PCDH11X: variants seen among roughly 807,000 people sequenced by gnomAD.
The protein encoded by PCDH11X is protocadherin-11 X-linked.
A neutral mutation model predicts 53.3 loss-of-function variants in PCDH11X; 18 were observed. The observed-to-expected ratio is 0.34, with a 90% CI of 0.23 to 0.50. The LOEUF is 0.50. Among genes scored for constraint, PCDH11X ranks in the 20% least tolerant of loss-of-function variants. PCDH11X has a pLI of 0.98. For synonymous variants in PCDH11X, 279 were observed against 393.3 expected (o/e 0.71, Z 3.44); for missense variants, 570 against 1,032.4 (o/e 0.55, Z 6.14).
At chrX:92,190,325 C>A (rs754523692) in intron 6 of PCDH11X, among the ~76,000 whole-genome samples, 77 of 111,692 alleles carry the variant, frequency 6.9e-4, no homozygotes, top group African/African-American at 2.4e-3. Flanking sequence ...ATAGGGAATT[C>A]TTTCCCCATT....
chrX:92,605,368 TACTC>T (rs1191544433), intron 10 of PCDH11X, among the ~76,000 whole-genome samples: 4 of 111,443 alleles, frequency 3.6e-5, no homozygotes, highest in Non-Finnish European at 7.5e-5. Context: ...AATGGTGAAA[TACTC>T]AATGCTTTTC....
In PCDH11X at chrX:92,606,607, G is replaced by T. The variant is rs1035432722; in HGVS notation, c.3368-11657G>T. Reference sequence around the variant, plus strand: ...CACAGGAGCAAACCTTTATGACTTTGCATTAAGCAAAGTTTTCTTAGATCT... The same window carrying T: ...CACAGGAGCAAACCTTTATGACTTTTCATTAAGCAAAGTTTTCTTAGATCT... On this transcript the variant is annotated intron_variant, in intron 10 of 10. Coordinates refer to ENST00000682573, the MANE Select transcript of PCDH11X (RefSeq NM_032968.5). Among the ~76,000 whole-genome samples the T allele has an allele frequency of 4.4e-4, 48 of 109,191 alleles. 1 individual carries two copies. The highest frequency in any genetic ancestry group is 1.4e-3 in the African/African-American group (43 of 29,948). 94.8% of individuals were successfully genotyped at this position (109,191 alleles called of 115,157 possible). A position where few individuals can be genotyped will look rare whatever the true frequency, so the allele number is the denominator to read the frequency against.
intron 9 of PCDH11X, among the ~76,000 whole-genome samples, chrX:92,450,263 G>A (rs966641008): frequency 1.7e-4 from 19 of 108,662 alleles, no homozygotes; most frequent in Non-Finnish European, 2.1e-4. Context: ...TCCAGTAGAC[G>A]CTCTTTTAAC....
intron 6 of PCDH11X, among the ~76,000 whole-genome samples, chrX:91,880,343 G>A (rs1364959573): frequency 9.0e-6 from 1 of 111,022 alleles, no homozygotes; most frequent in African/African-American, 3.3e-5. Context: ...TAGTTTCAGG[G>A]AATAAAGTCT....
chrX:92,232,825 C>T (rs780173574), intron 7 of PCDH11X, among the ~76,000 whole-genome samples: 4 of 111,634 alleles, frequency 3.6e-5, no homozygotes, highest in Non-Finnish European at 7.5e-5. Context: ...ACGCCATTCT[C>T]CCGCCTCAGC....
chrX:92,479,718 G>T (rs1318093447), intron 10 of PCDH11X, among the ~76,000 whole-genome samples: 1 of 107,335 alleles, frequency 9.3e-6, no homozygotes. Flanking sequence ...CTGCTGAGAG[G>T]TCTGCTGTTT....
intron 7 of PCDH11X, among the ~76,000 whole-genome samples, chrX:92,211,724 T>A (rs1231137493): frequency 8.9e-6 from 1 of 111,967 alleles, no homozygotes; most frequent in Non-Finnish European, 1.9e-5. Context: ...AATAAAATTA[T>A]CTCTTACATA....
intron 9 of PCDH11X, among the ~76,000 whole-genome samples, chrX:92,436,345 G>GA (rs1316240396): frequency 7.2e-5 from 8 of 110,899 alleles, no homozygotes; most frequent in Non-Finnish European, 1.5e-4. Flanking sequence ...TGAGGTTATG[G>GA]AAAAAAAGGG....
intron 6 of PCDH11X, among the ~76,000 whole-genome samples, chrX:92,048,240 A>G (rs2063320280): frequency 1.8e-5 from 1 of 55,476 alleles, no homozygotes; most frequent in Non-Finnish European, 2.7e-5. Context: ...TTTTCTTTTG[A>G]AAAAAAAAAA....
At chrX:92,443,893 T>A (rs1185538294) in intron 9 of PCDH11X, among the ~76,000 whole-genome samples, 1 of 111,870 alleles carries the variant, frequency 8.9e-6, no homozygotes, top group African/African-American at 3.2e-5. Context: ...TCTACATGAC[T>A]GTTTTTGTAC....
intron 10 of PCDH11X, among the ~76,000 whole-genome samples, chrX:92,556,011 C>A (rs1016404173): frequency 1.0e-4 from 11 of 109,187 alleles, no homozygotes; most frequent in Non-Finnish European, 1.9e-4. Flanking sequence ...GAGTGCTGAG[C>A]AAAATGTAAA....
chrX:92,199,797 C>A (rs935349460), intron 6 of PCDH11X, among the ~76,000 whole-genome samples: 8 of 111,325 alleles, frequency 7.2e-5, no homozygotes, highest in African/African-American at 2.6e-4. Context: ...ATACAGTGGA[C>A]ATGTTTAGTT....
chrX:91,939,542 A>G (rs983281800), intron 6 of PCDH11X, among the ~76,000 whole-genome samples: 1 of 109,458 alleles, frequency 9.1e-6, no homozygotes, highest in Non-Finnish European at 1.9e-5. Context: ...TGCACCCATT[A>G]CAGCTCATAA....
At chrX:92,606,804 A>C (rs1366261926) in intron 10 of PCDH11X, among the ~76,000 whole-genome samples, 1 of 112,022 alleles carries the variant, frequency 8.9e-6, no homozygotes, top group Non-Finnish European at 1.9e-5. Context: ...CATAAAAAGA[A>C]CTTGTAAAAT....
intron 10 of PCDH11X, among the ~76,000 whole-genome samples, chrX:92,479,780 A>C (rs2073463742): frequency 9.6e-6 from 1 of 104,707 alleles, no homozygotes; most frequent in Admixed American, 1.0e-4. Context: ...AGTTGCCTTT[A>C]ATTTTTTTTT....
intron 7 of PCDH11X, among the ~76,000 whole-genome samples, chrX:92,214,411 GC>G (rs1234367459): frequency 1.8e-5 from 2 of 112,059 alleles, no homozygotes; most frequent in Non-Finnish European, 3.8e-5. Flanking sequence ...TAAGAATGCA[GC>G]CAGTGATTAT....
intron 6 of PCDH11X, among the ~76,000 whole-genome samples, chrX:92,068,136 C>G (rs1321246303): frequency 9.2e-6 from 1 of 108,879 alleles, no homozygotes; most frequent in African/African-American, 3.4e-5. Context: ...TGTTGTTTTC[C>G]TCATTTCAAG....
intron 9 of PCDH11X, among the ~76,000 whole-genome samples, chrX:92,411,738 T>A (rs1324025191): frequency 1.9e-5 from 2 of 106,757 alleles, no homozygotes; most frequent in African/African-American, 3.4e-5. Context: ...TGCACTTTTT[T>A]TAAAGGGCAG....
intron 5 of PCDH11X, among the ~76,000 whole-genome samples, chrX:91,853,228 T>A (rs1375714267): frequency 9.0e-6 from 1 of 111,440 alleles, no homozygotes; most frequent in African/African-American, 3.3e-5. Flanking sequence ...TAGCCTGAGG[T>A]GGTTTTCTTC....
Sources: allele counts gnomAD v4.1 joint callset (sites outside exome capture counted in the v4.1 genomes callset), GRCh38; gene constraint gnomAD v4.1.1; transcripts MANE v1.5; gene names NCBI Gene and HGNC (gene_info 2026-07-23, HGNC 2026-07-21).